The following PDCD6 variants were observed in gnomAD, a reference collection of about 807,000 sequenced individuals.
PDCD6 encodes programmed cell death protein 6.
In PDCD6, 12 loss-of-function variants were observed where a neutral mutation model predicts 28.3. That is an observed-to-expected ratio of 0.42 (90% CI 0.27 to 0.69). The LOEUF is 0.69. Ranked by LOEUF, PDCD6 falls within the 30% of genes least tolerant of loss-of-function variation. PDCD6 has a pLI of 0.22. For synonymous variants in PDCD6, 92 were observed against 108.0 expected, an observed-to-expected ratio of 0.85 and a Z score of 0.92; for missense variants, 226 against 269.9, an observed-to-expected ratio of 0.84 and a Z score of 1.14.
intron 2 of PDCD6, among the ~76,000 whole-genome samples, chr5:298,138 G>C (rs1313950353): frequency 6.6e-6 from 1 of 152,174 alleles, no homozygotes; most frequent in Non-Finnish European, 1.5e-5. Context: ...CTCTGCTCAT[G>C]ATTTCAGGGG....
chr5:292,077 TTGG>T (rs1739347018), intron 2 of PDCD6, among the ~76,000 whole-genome samples: 1 of 152,288 alleles, frequency 6.6e-6, no homozygotes, highest in East Asian at 1.9e-4. Flanking sequence ...GATTGGGTTG[TTGG>T]TGGTGGGATT....
intron 2 of PDCD6, chr5:290,292 C>A (rs1283240834): frequency 1.0e-5 from 14 of 1,399,958 alleles, no homozygotes; most frequent in Non-Finnish European, 1.4e-5. Flanking sequence ...CAAAATCTTT[C>A]AGCGCCTCCT....
chr5:278,572 G>T (rs1419710224), intron 2 of PDCD6, among the ~76,000 whole-genome samples: 4 of 151,226 alleles, frequency 2.6e-5, no homozygotes, highest in African/African-American at 7.3e-5. Flanking sequence ...ATTTAGCTGG[G>T]TATGGTGGCG....
At chr5:314,025 C>CCCTGCTGTGT (rs796360703) in intron 5 of PDCD6, among the ~76,000 whole-genome samples, 39 of 81,624 alleles carry the variant, frequency 4.8e-4, no homozygotes, top group Non-Finnish European at 8.0e-4. Flanking sequence ...GCTGGGCATC[C>CCCTGCTGTGT]CCTGCGCTGC....
At chr5:306,841 C>A in intron 4 of PDCD6, 81 bp downstream of exon 4, 1 of 1,390,370 alleles carries the variant, frequency 7.2e-7, no homozygotes, top group Non-Finnish European at 1.0e-6. Flanking sequence ...CCTTGTTGGA[C>A]TTAACTGATT....
Position 289,951 on chromosome 5 carries a change from A to G in PDCD6, c.164-14226A>G, listed in dbSNP as rs993091291. 48 of 1,570,032 alleles carry G rather than the reference A, an allele frequency of 3.1e-5. No homozygotes were observed. In the African/African-American group the frequency reaches 5.7e-4, roughly 19 times the overall value. ...GCTAACAACCATCACATCCTTTTCT[A>G]CTCCTCTGAGAAATTTGTCTGTTCC... On this transcript the variant is annotated intron_variant, in intron 2 of 5. Coordinates refer to ENST00000264933, the MANE Select transcript of PDCD6 (RefSeq NM_013232.4).
chr5:289,692 A>T, intron 2 of PDCD6: 1 of 926,514 alleles, frequency 1.1e-6, no homozygotes, highest in East Asian at 2.4e-5. Context: ...AGTCACTGTG[A>T]TTTTTCTCTT....
chr5:276,283 T>G (rs1579476549), intron 2 of PDCD6: 9 of 1,121,162 alleles, frequency 8.0e-6, no homozygotes, highest in East Asian at 7.5e-5. Context: ...CATCGCAGCA[T>G]TTTTCTTTTC....
At chr5:298,686 T>C (rs191496588) in intron 2 of PDCD6, among the ~76,000 whole-genome samples, 6,549 of 43,658 alleles carry the variant, frequency 0.15, 1,280 homozygotes, top group African/African-American at 0.47. Flanking sequence ...CTGCTCCCAC[T>C]CAGCTGCTCC....
intron 4 of PDCD6, chr5:308,121 G>A (rs1740646124): frequency 2.0e-5 from 3 of 152,290 alleles, no homozygotes; most frequent in East Asian, 1.9e-4. Flanking sequence ...CAGTGCTGCC[G>A]ATTGCGGCCA....
rs183774184 is a variant in PDCD6, at chr5:294,979, G to A, written c.164-9198G>A. Among the ~76,000 whole-genome samples, 105 of 152,206 alleles carry A rather than the reference G, an allele frequency of 6.9e-4. 1 individual carries two copies. The highest frequency in any genetic ancestry group is 1.2e-3 in the Admixed American group (18 of 15,298). On this transcript the variant is annotated intron_variant, in intron 2 of 5. Transcript: ENST00000264933. ...ACATCTTGGAGAAGACAGTGCTACC[G>A]TGTTGGGGAGCAGGGCAGTGGTTTC... is the stretch of plus-strand genomic sequence containing the variant.
rs372689576 is a variant in PDCD6, at chr5:284,825, G to A, written c.163+12053G>A. 3.0e-4 allele frequency among the ~76,000 whole-genome samples: 45 copies of A among 150,350 alleles called. No individual in the cohort carries two copies. The East Asian group carries it at 5.5e-3, about 19-fold the overall frequency. ...TTGAGGGCCATACAACTGGAGACCC[G>A]GGGGGGAGAAGATATTCCAGTTTCA... On this transcript the variant is annotated intron_variant, in intron 2 of 5. Coordinates refer to ENST00000264933, the MANE Select transcript of PDCD6 (RefSeq NM_013232.4).
intron 2 of PDCD6, among the ~76,000 whole-genome samples, chr5:274,487 G>A (rs1738054303): frequency 6.6e-6 from 1 of 152,210 alleles, no homozygotes; most frequent in Non-Finnish European, 1.5e-5. Context: ...AGGGAGTATT[G>A]AGGAAATGCA....
At chr5:271,972 T>G in intron 1 of PDCD6, 151 bp downstream of exon 1, 1 of 383,202 alleles carries the variant, frequency 2.6e-6, no homozygotes, top group Admixed American at 5.0e-5. Flanking sequence ...TCCCGTCCCC[T>G]GCCGCCGCCC....
intron 2 of PDCD6, among the ~76,000 whole-genome samples, chr5:274,661 A>C (rs557188299): frequency 1.3e-5 from 2 of 152,178 alleles, no homozygotes; most frequent in East Asian, 3.9e-4. Context: ...GTTTCCACTT[A>C]CTCAACACTC....
chr5:313,241 C>T (rs567225606), intron 5 of PDCD6, among the ~76,000 whole-genome samples: 20 of 152,364 alleles, frequency 1.3e-4, no homozygotes, highest in African/African-American at 4.6e-4. Context: ...TTTTATTTAT[C>T]TGCTTTTTCT....
At chr5:288,160 A>T (rs188858351) in intron 2 of PDCD6, among the ~76,000 whole-genome samples, 1 of 152,056 alleles carries the variant, frequency 6.6e-6, no homozygotes, top group African/African-American at 2.4e-5. Context: ...TATTTCAGTT[A>T]CTCAGAAGAG....
chr5:299,823 A>T (rs762749455), intron 2 of PDCD6, among the ~76,000 whole-genome samples: 1 of 152,068 alleles, frequency 6.6e-6, no homozygotes, highest in African/African-American at 2.4e-5. Context: ...TGCTGGGATT[A>T]CAGGCGCCAG....
At chr5:310,570 G>T (rs998283805) in intron 4 of PDCD6, 1 of 152,368 alleles carries the variant, frequency 6.6e-6, no homozygotes, top group African/African-American at 2.4e-5. Flanking sequence ...GCCCTCCGGG[G>T]TGCCCGAACA....
Sources: gnomAD v4.1 joint callset for allele counts (sites outside exome capture counted in the v4.1 genomes callset) on GRCh38, gnomAD v4.1.1 for gene constraint, MANE v1.5 for transcripts, NCBI Gene and HGNC (gene_info 2026-07-23, HGNC 2026-07-21) for gene names.